The following USP43 variants were observed in gnomAD, a reference collection of about 807,000 sequenced individuals.
USP43 encodes ubiquitin specific peptidase 43.
In USP43, 33 loss-of-function variants were observed where a neutral mutation model predicts 90.7. That is an observed-to-expected ratio of 0.36 (90% CI 0.28 to 0.49). The LOEUF (loss-of-function observed/expected upper bound fraction) is 0.49. Ranked by LOEUF, USP43 falls within the 20% of genes least tolerant of loss-of-function variation. The pLI, the probability that USP43 is intolerant of heterozygous loss-of-function variation, is 0.98. For synonymous variants in USP43, 598 were observed against 615.8 expected (o/e 0.97, Z 0.43); for missense variants, 1,274 against 1,476.4 (o/e 0.86, Z 2.25).
chr17:9,682,897 A>G lies in USP43; in HGVS notation c.1180A>G (p.Ser394Gly). ...EGQRFSLSLH[S>G]ESKVLILFCN... is the part of the protein sequence containing the mutation. Reference sequence around the variant, plus strand: ...CCAGCGATTCTCCCTCTCTCTCCACAGTGAGAGCAAGGTGCTAATCCTCTT... The same window carrying G: ...CCAGCGATTCTCCCTCTCTCTCCACGGTGAGAGCAAGGTGCTAATCCTCTT... The change falls in exon 7 of 15, where the codon AGT becomes GGT. Residue 394 changes from serine (S) to glycine (G), a missense_variant. Around this residue, in one of 6 missense-constraint regions of USP43, gnomAD observed 253 missense variants for 276.0 expected, o/e 0.92. Transcript: ENST00000285199. 6.2e-7 allele frequency: 1 copy of G among 1,613,992 alleles called. No homozygotes were observed.
chr17:9,714,078 G>A (rs566613391), intron 14 of USP43, among the ~76,000 whole-genome samples: 1 of 152,170 alleles, frequency 6.6e-6, no homozygotes, highest in African/African-American at 2.4e-5. Context: ...AATAGGCTTT[G>A]TGTTCCTATG....
Position 9,676,810 on chromosome 17 carries a change from G to T in USP43, c.898G>T (p.Val300Leu). ...SQRFLRVGLA[V>L]PILSTVAALR... ...GCGGTTCCTGCGGGTTGGCCTGGCC[G>T]TGCCGATCCTCAGCACAGTGGCAGC... The change falls in exon 5 of 15, where the codon GTG becomes TTG. Residue 300 changes from valine (V) to leucine (L), a missense_variant. Coordinates refer to ENST00000285199, the MANE Select transcript of USP43 (RefSeq NM_153210.5). 1.2e-6 allele frequency: 2 copies of T among 1,613,950 alleles called. No individual in the cohort carries two copies. The highest frequency in any genetic ancestry group is 1.7e-6 in the Non-Finnish European group (2 of 1,179,880).
intron 12 of USP43, among the ~76,000 whole-genome samples, chr17:9,708,635 T>G (rs1339049242): frequency 6.6e-6 from 1 of 152,108 alleles, no homozygotes; most frequent in Non-Finnish European, 1.5e-5. Flanking sequence ...TTGTTGTTGT[T>G]GTTGTTTTTT....
chr17:9,682,793 T>C (rs1914373316), intron 6 of USP43, 30 bp from the exon 7 acceptor site: 2 of 1,609,022 alleles, frequency 1.2e-6, no homozygotes, highest in Non-Finnish European at 8.5e-7. Flanking sequence ...CCTTTAGGAA[T>C]ATGAACAAAT....
At chr17:9,670,727 G>A (rs77903460) in intron 3 of USP43, among the ~76,000 whole-genome samples, 3,706 of 152,208 alleles carry the variant, frequency 0.024, 139 homozygotes, top group African/African-American at 0.085. Context: ...ACTTCCGAGG[G>A]AGTGACATTT....
intron 12 of USP43, among the ~76,000 whole-genome samples, chr17:9,707,312 C>T (rs11867933): frequency 0.016 from 2,481 of 152,150 alleles, 75 homozygotes; most frequent in African/African-American, 0.056. Context: ...ATGTGATATA[C>T]CTTGGTCCAT....
intron 1 of USP43, among the ~76,000 whole-genome samples, chr17:9,653,482 G>C (rs1167851868): frequency 1.3e-5 from 2 of 152,192 alleles, no homozygotes; most frequent in African/African-American, 2.4e-5. Flanking sequence ...CAGCTACTCA[G>C]GGGGCTGAGG....
chr17:9,709,134 G>T lies in USP43; in HGVS notation c.2012-822G>T, dbSNP rs563252756. 6.6e-6 allele frequency among the ~76,000 whole-genome samples: 1 copy of T among 152,178 alleles called. No individual in the cohort carries two copies. The highest frequency in any genetic ancestry group is 1.5e-5 in the Non-Finnish European group (1 of 68,036). ...GGGTTATGCTGTCATTTGCTGACAC[G>T]TAGAGGGCAAGGAAACGGATATTTT... On this transcript the variant is annotated intron_variant, in intron 12 of 14. Coordinates refer to ENST00000285199, the MANE Select transcript of USP43 (RefSeq NM_153210.5). This position sits in a 1 kb window ranked among gnomAD's most constrained non-coding sequence, Gnocchi z 5.0.
At chr17:9,721,975 A>T (rs1737792347) in intron 14 of USP43, among the ~76,000 whole-genome samples, 1 of 151,170 alleles carries the variant, frequency 6.6e-6, no homozygotes, top group African/African-American at 2.4e-5. Context: ...TCCTCAGGTG[A>T]TCCACCTGCC....
chr17:9,654,414 C>T lies in USP43; in HGVS notation c.505-1989C>T, dbSNP rs77351464. Among the ~76,000 whole-genome samples, 348 of 152,106 alleles carry T rather than the reference C, an allele frequency of 2.3e-3. 4 individuals carry two copies. In the East Asian group the frequency reaches 0.049, roughly 21 times the overall value. On this transcript the variant is annotated intron_variant, in intron 1 of 14. Transcript: ENST00000285199. ...GACTCAGAGCCACACTTGGGGAAGC[C>T]GAGGCGGGCGGGATCACCTGAAATC... is the stretch of plus-strand genomic sequence containing the variant.
intron 2 of USP43, among the ~76,000 whole-genome samples, chr17:9,656,874 G>A (rs920787786): frequency 2.0e-5 from 3 of 152,174 alleles, no homozygotes; most frequent in Admixed American, 2.0e-4. Context: ...ATTATTTGCA[G>A]ATGGTACCAT....
At chr17:9,697,666 C>CA in intron 9 of USP43, among the ~76,000 whole-genome samples, 1 of 136,774 alleles carries the variant, frequency 7.3e-6, no homozygotes, top group East Asian at 2.1e-4. Flanking sequence ...AACAGGAATT[C>CA]TTTTTTTTTT....
At chr17:9,668,567 C>T (rs560406886) in intron 3 of USP43, among the ~76,000 whole-genome samples, 3 of 152,340 alleles carry the variant, frequency 2.0e-5, no homozygotes, top group South Asian at 2.1e-4. Context: ...TTCTCTCACG[C>T]TCTGCCTCAC....
Position 9,712,105 on chromosome 17 carries a change from A to G in USP43, c.2308A>G (p.Thr770Ala), listed in dbSNP as rs1171297600. The change falls in exon 14 of 15, where the codon ACC (threonine) becomes GCC (alanine). Residue 770 changes from threonine to alanine, a missense_variant. Physicochemically the swap from Thr to Ala is moderately conservative, Grantham distance 58. Transcript: ENST00000285199. ...CCAGGTTCCTGACTCTCCCATCTTC[A>G]CCAACAGCCTCTGCAATCAGGAAAA... is the stretch of plus-strand genomic sequence containing the variant. Reference protein sequence around the residue: ...LPQVPDSPIFTNSLCNQEKGG... With the variant: ...LPQVPDSPIFANSLCNQEKGG... The G allele has an allele frequency of 1.9e-6, 3 of 1,599,720 alleles. No homozygotes were observed. The highest frequency in any genetic ancestry group is 2.2e-5 in the South Asian group (2 of 89,284).
At chr17:9,703,252 A>G (rs561423133) in intron 12 of USP43, among the ~76,000 whole-genome samples, 4 of 151,956 alleles carry the variant, frequency 2.6e-5, no homozygotes, top group Non-Finnish European at 5.9e-5. Flanking sequence ...AAATAAGGAC[A>G]GCTGGAACCT....
chr17:9,675,276 CA>C lies in USP43; in HGVS notation c.833+294del, dbSNP rs562206682. ...GACCCATTGGTCTCACTTAGTGAGA[CA>C]GGGGCAAACTAGAGAAAATCCGTGG... is the stretch of plus-strand genomic sequence containing the variant. On this transcript the variant is annotated intron_variant, in intron 4 of 14. Transcript: ENST00000285199. Among the ~76,000 whole-genome samples, 614 of 152,294 alleles carry C rather than the reference CA, an allele frequency of 4.0e-3. 2 individuals carry two copies. The highest frequency in any genetic ancestry group is 0.014 in the African/African-American group (566 of 41,556).
intron 1 of USP43, among the ~76,000 whole-genome samples, chr17:9,652,194 C>G (rs1490252492): frequency 1.6e-5 from 2 of 121,370 alleles, no homozygotes; most frequent in Non-Finnish European, 1.6e-5. Flanking sequence ...GCCTGGTCAA[C>G]ACAGCAAGCC....
chr17:9,712,952 C>A (rs934418682), intron 14 of USP43, among the ~76,000 whole-genome samples: 31 of 152,108 alleles, frequency 2.0e-4, no homozygotes, highest in Non-Finnish European at 1.5e-5. Flanking sequence ...GAATATACAT[C>A]ACCTCAAACA....
intron 6 of USP43, among the ~76,000 whole-genome samples, chr17:9,681,350 AAAAT>A (rs1335471055): frequency 7.7e-5 from 9 of 116,810 alleles, no homozygotes; most frequent in South Asian, 2.4e-4. Context: ...ATATATAAAT[AAAAT>A]AAATAAAATA....
Sources: gnomAD v4.1 joint callset for allele counts (sites outside exome capture counted in the v4.1 genomes callset) on GRCh38, gnomAD v4.1.1 for gene constraint, gnomAD v4.1.1 regional missense constraint, Gnocchi (gnomAD v3.1) non-coding constraint, MANE v1.5 for transcripts, NCBI Gene and HGNC (gene_info 2026-07-23, HGNC 2026-07-21) for gene names.